MPRIP: variants seen among roughly 807,000 people sequenced by gnomAD.
The protein encoded by MPRIP is myosin phosphatase Rho interacting protein, also known as myosin phosphatase Rho-interacting protein.
MPRIP carries 59 observed loss-of-function variants against 234.9 expected under a neutral mutation model. The ratio of observed to expected loss-of-function variants is 0.25; its 90% CI spans 0.20 to 0.31. The LOEUF is 0.31. Ranked by LOEUF, MPRIP falls within the 10% of genes least tolerant of loss-of-function variation. MPRIP has a pLI of 1.00. For synonymous variants in MPRIP, 1,144 were observed against 1,263.9 expected, an observed-to-expected ratio of 0.91 and a Z score of 2.01; for missense variants, 2,436 against 3,071.0, an observed-to-expected ratio of 0.79 and a Z score of 4.89.
chr17:17,090,483 T>C (rs1339547859), intron 3 of MPRIP, among the ~76,000 whole-genome samples: 1 of 152,126 alleles, frequency 6.6e-6, no homozygotes. Flanking sequence ...GGCTGGGGAA[T>C]GCTTTGTGAT....
At position 17,166,063 on chromosome 17, in the gene MPRIP, G is replaced by A; in HGVS notation, c.4472G>A (p.Arg1491Lys). Residue 1491 changes from arginine (R) to lysine (K), a missense_variant, in exon 16 of 24, where the codon AGG becomes AAG. This residue lies in a region of MPRIP where 1,998 missense variants were observed against 2,520.3 expected (regional missense o/e 0.79). Transcript: ENST00000651222. This position sits in a 1 kb window ranked among gnomAD's most constrained non-coding sequence, Gnocchi z 4.4. Reference sequence around the variant, plus strand: ...CGAGAACAACTGAGATCTCTGCCTAGGGCCAGCCAGGAGGATGAGCAGGAC... The same window carrying A: ...CGAGAACAACTGAGATCTCTGCCTAAGGCCAGCCAGGAGGATGAGCAGGAC... ...NCREQLRSLP[R>K]ASQEDEQDAR... The A allele has an allele frequency of 5.4e-6, 7 of 1,301,666 alleles. No individual in the cohort carries two copies. Among genetic ancestry groups the A allele is most frequent in the Non-Finnish European group, 7.1e-6 (7 of 987,248 alleles). The allele number at this position is 1,301,666 out of a possible 1,614,324, so 80.6% of individuals were successfully genotyped here. A position where few individuals can be genotyped will look rare whatever the true frequency, so the allele number is the denominator to read the frequency against.
At chr17:17,135,578 T>A (rs2090679773) in intron 5 of MPRIP, among the ~76,000 whole-genome samples, 1 of 152,194 alleles carries the variant, frequency 6.6e-6, no homozygotes, top group Non-Finnish European at 1.5e-5. Context: ...GTGCTAGTAT[T>A]TTGGGTGTCT....
chr17:17,159,462 A>G (rs897787656), intron 14 of MPRIP, among the ~76,000 whole-genome samples: 1 of 152,252 alleles, frequency 6.6e-6, no homozygotes, highest in Non-Finnish European at 1.5e-5. Flanking sequence ...AGGGGCATCC[A>G]GCAGGAGATG....
rs765891453 is a variant in MPRIP at position 17,164,857 on chromosome 17, G to A, written c.3266G>A (p.Arg1089Gln). The part of the protein sequence containing the change: ...VHQLEEQLEA[R>Q]EASVRRLAEH... ...CAGCTGGAGGAGCAGCTGGAGGCAC[G>A]AGAGGCCAGCGTGCGCAGGCTCGCA... Residue 1089 changes from arginine (R) to glutamine (Q), a missense_variant, in exon 16 of 24, where the codon CGA becomes CAA. Physicochemically the swap from Arg to Gln is conservative, Grantham distance 43. This residue lies in a region of MPRIP where 1,998 missense variants were observed against 2,520.3 expected (regional missense o/e 0.79). Transcript: ENST00000651222. The A allele has an allele frequency of 1.5e-5, 20 of 1,303,912 alleles. No homozygotes were observed. Among genetic ancestry groups the A allele is most frequent in the East Asian group, 5.5e-5 (1 of 18,044 alleles). The allele number at this position is 1,303,912 out of a possible 1,614,324, so 80.8% of individuals were successfully genotyped here.
intron 3 of MPRIP, among the ~76,000 whole-genome samples, chr17:17,122,975 T>C (rs902399838): frequency 1.3e-5 from 2 of 152,176 alleles, no homozygotes; most frequent in African/African-American, 4.8e-5. Context: ...CAAATGTCCA[T>C]CAACAGATGA....
rs544479754 is a variant in MPRIP, at chr17:17,164,889, G to A, written c.3298G>A (p.Val1100Met). 97 of 1,303,848 alleles carry A rather than the reference G, an allele frequency of 7.4e-5. 1 individual carries two copies. In the East Asian group the frequency reaches 3.7e-3, roughly 50 times the overall value. 80.8% of individuals were successfully genotyped at this position (1,303,848 alleles called of 1,614,324 possible). ...EASVRRLAEH[V>M]QSLCDERDLL... ...CAGCGTGCGCAGGCTCGCAGAGCAC[G>A]TGCAGAGCCTCTGTGACGAGCGGGA... Residue 1100 changes from valine (V) to methionine (M), a missense_variant, in exon 16 of 24, where the codon GTG (valine) becomes ATG (methionine). Transcript: ENST00000651222.
chr17:17,047,384 T>C (rs1282936722), intron 1 of MPRIP, among the ~76,000 whole-genome samples: 2 of 152,186 alleles, frequency 1.3e-5, no homozygotes, highest in Non-Finnish European at 2.9e-5. Flanking sequence ...ATAAATGCAG[T>C]TGGTCTTTTT....
At chr17:17,171,573 A>G (rs2046135555) in intron 16 of MPRIP, 145 bp from the exon 17 acceptor site, 1 of 978,542 alleles carries the variant, frequency 1.0e-6, no homozygotes. Context: ...GATCCTGTTC[A>G]GGGCGCCCAT....
intron 4 of MPRIP, among the ~76,000 whole-genome samples, chr17:17,128,875 C>T (rs889720990): frequency 6.6e-6 from 1 of 152,206 alleles, no homozygotes; most frequent in Non-Finnish European, 1.5e-5. Flanking sequence ...CCTCTCTTGC[C>T]TCCCTCTGTT....
chr17:17,166,677 G>T lies in MPRIP; in HGVS notation c.5086G>T (p.Gly1696Cys). Residue 1696 changes from glycine to cysteine, a missense_variant, in exon 16 of 24, where the codon GGC becomes TGC. Physicochemically the swap from Gly to Cys is radical, Grantham distance 159 (BLOSUM62 -3). Around this residue, in one of 4 missense-constraint regions of MPRIP, gnomAD observed 1,998 missense variants for 2,520.3 expected, o/e 0.79. Coordinates refer to ENST00000651222, the MANE Select transcript of MPRIP (RefSeq NM_001364716.4). This position sits in a 1 kb window ranked among gnomAD's most constrained non-coding sequence, Gnocchi z 4.4. ...ACAGAGCATCCAGGAGACCCTGCGG[G>T]GCACCCAGACGGCCCTGCGGCAGCA... is the stretch of plus-strand genomic sequence containing the variant. ...RLQSIQETLR[G>C]TQTALRQHKC... is the part of the protein sequence containing the mutation. 2 of 1,304,124 alleles carry T rather than the reference G, an allele frequency of 1.5e-6. No individual in the cohort carries two copies. Among genetic ancestry groups the T allele is most frequent in the Non-Finnish European group, 2.0e-6 (2 of 988,972 alleles). The allele number at this position is 1,304,124 out of a possible 1,614,324, so 80.8% of individuals were successfully genotyped here. A position where few individuals can be genotyped will look rare whatever the true frequency, so the allele number is the denominator to read the frequency against.
intron 3 of MPRIP, among the ~76,000 whole-genome samples, chr17:17,122,529 A>G (rs1597841362): frequency 1.3e-5 from 2 of 151,980 alleles, no homozygotes; most frequent in East Asian, 3.8e-4. Context: ...AATTTTTTGT[A>G]TTTTTAGTAG....
chr17:17,166,009 G>T lies in MPRIP; in HGVS notation c.4418G>T (p.Ser1473Ile). 1 of 1,304,304 alleles carries T rather than the reference G, an allele frequency of 7.7e-7. No homozygotes were observed. The highest frequency in any genetic ancestry group is 1.0e-6 in the Non-Finnish European group (1 of 988,936). 80.8% of individuals were successfully genotyped at this position (1,304,304 alleles called of 1,614,324 possible). ...GELGDFQVKN[S>I]QALMCLENCR... ...CTTGGGGACTTCCAGGTCAAGAATAGTCAGGCCCTGATGTGCCTGGAAAAT... is the reference window on the plus strand; with the variant it reads ...CTTGGGGACTTCCAGGTCAAGAATATTCAGGCCCTGATGTGCCTGGAAAAT... The change falls in exon 16 of 24, where the codon AGT (serine) becomes ATT (isoleucine). Residue 1473 changes from serine (S) to isoleucine (I), a missense_variant. Transcript: ENST00000651222. The surrounding 1 kb of genome is among the most constrained non-coding windows in gnomAD (Gnocchi z 4.4).
At chr17:17,145,709 G>A (rs2045447565) in intron 9 of MPRIP, among the ~76,000 whole-genome samples, 1 of 152,222 alleles carries the variant, frequency 6.6e-6, no homozygotes, top group African/African-American at 2.4e-5. Context: ...CTCTTCATCT[G>A]GGCTTGTTTT....
intron 3 of MPRIP, among the ~76,000 whole-genome samples, chr17:17,121,758 C>T (rs2090393582): frequency 6.6e-6 from 1 of 152,172 alleles, no homozygotes; most frequent in South Asian, 2.1e-4. Flanking sequence ...TTTCATCACC[C>T]AGATATTAAG....
chr17:17,147,998 G>C (rs1020974151), intron 11 of MPRIP, among the ~76,000 whole-genome samples: 1 of 152,176 alleles, frequency 6.6e-6, no homozygotes, highest in Non-Finnish European at 1.5e-5. Context: ...GAATCCCTCA[G>C]ATAACTCCCA....
chr17:17,135,729 T>C (rs2090682356), intron 5 of MPRIP, among the ~76,000 whole-genome samples: 1 of 152,180 alleles, frequency 6.6e-6, no homozygotes, highest in African/African-American at 2.4e-5. Flanking sequence ...CACCTCCTGA[T>C]ACCATCACCT....
intron 3 of MPRIP, among the ~76,000 whole-genome samples, chr17:17,122,302 T>C (rs1334303389): frequency 1.3e-5 from 2 of 152,186 alleles, no homozygotes; most frequent in African/African-American, 4.8e-5. Context: ...CTCTCCACAA[T>C]CGAAGGGAGC....
intron 21 of MPRIP, 62 bp downstream of exon 21, chr17:17,176,574 C>T (rs1305294627): frequency 7.8e-7 from 1 of 1,277,738 alleles, no homozygotes; most frequent in Admixed American, 1.7e-5. Flanking sequence ...CATGCGCCTC[C>T]TGAACTCAGG....
At chr17:17,054,883 C>T (rs1057476307) in intron 1 of MPRIP, among the ~76,000 whole-genome samples, 1 of 151,644 alleles carries the variant, frequency 6.6e-6, no homozygotes, top group African/African-American at 2.4e-5. Flanking sequence ...AACCCTGTCT[C>T]TACAAAAAAG....
Sources: allele counts gnomAD v4.1 joint callset (sites outside exome capture counted in the v4.1 genomes callset), GRCh38; gene constraint gnomAD v4.1.1; regional missense constraint gnomAD v4.1.1; non-coding constraint Gnocchi (gnomAD v3.1); transcripts MANE v1.5; gene names NCBI Gene and HGNC (gene_info 2026-07-23, HGNC 2026-07-21).